Variants in DACH1 observed in about 807,000 individuals in gnomAD.
DACH1 encodes the protein dachshund homolog 1.
Under a neutral mutation model 54.2 loss-of-function variants are expected in DACH1, and 12 were observed. The observed-to-expected ratio is 0.22, with a 90% CI of 0.14 to 0.36. The LOEUF (loss-of-function observed/expected upper bound fraction) is 0.36. Among genes scored for constraint, DACH1 ranks in the 10% least tolerant of loss-of-function variants. The probability of loss-of-function intolerance (pLI) is 1.00; values close to 1 mark genes in which losing one functional copy is unlikely to be tolerated. For synonymous variants in DACH1, 386 were observed against 366.2 expected, an observed-to-expected ratio of 1.05 and a Z score of -0.62; for missense variants, 805 against 929.8, an observed-to-expected ratio of 0.87 and a Z score of 1.75.
chr13:71,762,342 G>A (rs1440635071), intron 1 of DACH1, among the ~76,000 whole-genome samples: 1 of 152,098 alleles, frequency 6.6e-6, no homozygotes, highest in Non-Finnish European at 1.5e-5. Context: ...GAAAAGACAA[G>A]CAAAGTTCCT....
intron 1 of DACH1, among the ~76,000 whole-genome samples, chr13:71,795,845 A>G (rs1260931728): frequency 6.6e-6 from 1 of 152,202 alleles, no homozygotes. Context: ...AAAAAAATGC[A>G]TGTACATAGC....
chr13:71,823,528 T>C (rs537438187), intron 1 of DACH1, among the ~76,000 whole-genome samples: 2 of 152,194 alleles, frequency 1.3e-5, no homozygotes, highest in African/African-American at 2.4e-5. Context: ...AATCATCATA[T>C]AATGAAGTAC....
intron 6 of DACH1, among the ~76,000 whole-genome samples, chr13:71,548,654 C>G (rs967115680): frequency 6.6e-6 from 1 of 152,100 alleles, no homozygotes; most frequent in African/African-American, 2.4e-5. Context: ...GTGGTGCTCA[C>G]GCCTGTAATC....
In DACH1 at chr13:71,559,971, A is replaced by G. The variant is rs1438618163; in HGVS notation, c.1300-16T>C. ...GAACACGCTCCTGCACCAGCAAGAG[A>G]GGGAAGGAGGGTAGAAAAGATGTTA... On this transcript the variant is annotated splice_polypyrimidine_tract_variant and intron_variant, in intron 4 of 10. Transcript: ENST00000613252. The G allele has an allele frequency of 6.7e-7, 1 of 1,503,710 alleles. No homozygotes were observed. The highest frequency in any genetic ancestry group is 1.4e-5 in the African/African-American group (1 of 70,846). The allele number at this position is 1,503,710 out of a possible 1,614,324, so 93.1% of individuals were successfully genotyped here. A position where few individuals can be genotyped will look rare whatever the true frequency, so the allele number is the denominator to read the frequency against.
At chr13:71,718,516 C>A (rs1269042609) in intron 1 of DACH1, among the ~76,000 whole-genome samples, 7 of 147,172 alleles carry the variant, frequency 4.8e-5, no homozygotes, top group African/African-American at 1.8e-4. Context: ...ATCCAAAATG[C>A]AGTGAGCTAT....
chr13:71,622,566 TG>T (rs1274735379), intron 3 of DACH1, among the ~76,000 whole-genome samples: 1 of 151,912 alleles, frequency 6.6e-6, no homozygotes, highest in Non-Finnish European at 1.5e-5. Context: ...CACTGAAATA[TG>T]TGGTTTCTTT....
At chr13:71,785,239 T>C (rs1886543853) in intron 1 of DACH1, among the ~76,000 whole-genome samples, 1 of 152,148 alleles carries the variant, frequency 6.6e-6, no homozygotes. Context: ...CAATTTCTTT[T>C]TATTTCGCAC....
chr13:71,479,426 C>T, intron 7 of DACH1, 110 bp from the exon 8 acceptor site: 2 of 1,044,012 alleles, frequency 1.9e-6, no homozygotes, highest in Non-Finnish European at 2.8e-6. Context: ...TGACCTAATT[C>T]TTTCGCATTC....
chr13:71,485,624 C>T (rs1481704552), intron 7 of DACH1, among the ~76,000 whole-genome samples: 13 of 115,586 alleles, frequency 1.1e-4, no homozygotes, highest in African/African-American at 1.4e-4. Context: ...CTTGTTCTGT[C>T]GCCAGGCTGG....
intron 1 of DACH1, among the ~76,000 whole-genome samples, chr13:71,816,141 T>C (rs1887914167): frequency 6.6e-6 from 1 of 152,188 alleles, no homozygotes; most frequent in Non-Finnish European, 1.5e-5. Context: ...TAAGATTGTC[T>C]TAAAATTAAC....
At chr13:71,695,435 C>A (rs769884674) in intron 1 of DACH1, among the ~76,000 whole-genome samples, 3 of 152,000 alleles carry the variant, frequency 2.0e-5, no homozygotes, top group Non-Finnish European at 4.4e-5. Context: ...CTTTAAGTGA[C>A]TTTAGAAAGA....
At chr13:71,740,093 C>G (rs971805514) in intron 1 of DACH1, among the ~76,000 whole-genome samples, 2 of 152,128 alleles carry the variant, frequency 1.3e-5, no homozygotes, top group Non-Finnish European at 2.9e-5. Flanking sequence ...ATAATTGCAT[C>G]CAGACATTGT....
chr13:71,793,826 C>T (rs561957260), intron 1 of DACH1, among the ~76,000 whole-genome samples: 4 of 152,174 alleles, frequency 2.6e-5, no homozygotes, highest in Admixed American at 6.5e-5. Context: ...CATGCCTAGC[C>T]GGTAATCTCT....
intron 1 of DACH1, among the ~76,000 whole-genome samples, chr13:71,710,533 A>G (rs1882676680): frequency 6.6e-6 from 1 of 151,644 alleles, no homozygotes; most frequent in African/African-American, 2.4e-5. Flanking sequence ...AGAGTGTTAC[A>G]AGAAAAACAG....
chr13:71,710,297 T>A (rs1949116209), intron 1 of DACH1, among the ~76,000 whole-genome samples: 1 of 152,142 alleles, frequency 6.6e-6, no homozygotes, highest in Non-Finnish European at 1.5e-5. Context: ...TCAGATTCCA[T>A]CTCAAGGACT....
At chr13:71,760,272 T>C (rs978550011) in intron 1 of DACH1, among the ~76,000 whole-genome samples, 1 of 152,200 alleles carries the variant, frequency 6.6e-6, no homozygotes, top group African/African-American at 2.4e-5. Flanking sequence ...GCGTCTATCA[T>C]GCTGCCATGG....
chr13:71,727,338 C>T (rs946637299), intron 1 of DACH1, among the ~76,000 whole-genome samples: 44 of 152,078 alleles, frequency 2.9e-4, no homozygotes, highest in Non-Finnish European at 5.1e-4. Context: ...CAGGCATTCA[C>T]ACAAACTTTC....
intron 6 of DACH1, among the ~76,000 whole-genome samples, chr13:71,538,341 T>C (rs1364879608): frequency 6.6e-6 from 1 of 151,926 alleles, no homozygotes; most frequent in African/African-American, 2.4e-5. Context: ...CTAGTGGTTC[T>C]ATAATGGGAG....
At chr13:71,556,784 T>TA (rs1884279537) in intron 6 of DACH1, among the ~76,000 whole-genome samples, 1 of 152,130 alleles carries the variant, frequency 6.6e-6, no homozygotes, top group African/African-American at 2.4e-5. Context: ...CTTTTTTTTT[T>TA]AATGTACTGG....
Sources: gnomAD v4.1 joint callset for allele counts (sites outside exome capture counted in the v4.1 genomes callset) on GRCh38, gnomAD v4.1.1 for gene constraint, MANE v1.5 for transcripts, NCBI Gene and HGNC (gene_info 2026-07-23, HGNC 2026-07-21) for gene names.